The following TMEM132D variants were observed in gnomAD, a reference collection of about 807,000 sequenced individuals.
The protein encoded by TMEM132D is mature OL transmembrane protein.
A neutral mutation model predicts 62.3 loss-of-function variants in TMEM132D; 21 were observed. The ratio of observed to expected loss-of-function variants is 0.34; its 90% CI spans 0.24 to 0.49. The LOEUF (loss-of-function observed/expected upper bound fraction) is 0.49. Ranked by LOEUF, TMEM132D falls within the 20% of genes least tolerant of loss-of-function variation. The pLI is 0.99. For synonymous variants in TMEM132D, 621 were observed against 575.6 expected (o/e 1.08, Z -1.13); for missense variants, 1,346 against 1,402.8 (o/e 0.96, Z 0.65).
intron 3 of TMEM132D, among the ~76,000 whole-genome samples, chr12:129,344,469 G>A (rs1869617081): frequency 6.6e-6 from 1 of 152,192 alleles, no homozygotes; most frequent in Non-Finnish European, 1.5e-5. Context: ...TGGGTTAGAG[G>A]CCCAACTTAG....
chr12:129,829,796 C>T (rs913812325), intron 1 of TMEM132D, among the ~76,000 whole-genome samples: 8 of 152,094 alleles, frequency 5.3e-5, no homozygotes, highest in Non-Finnish European at 1.0e-4. Context: ...TGAAATCATC[C>T]AAAGCCAAGA....
At position 129,342,445 on chromosome 12, in the gene TMEM132D, C is replaced by A. The variant is rs1223034478; in HGVS notation, c.1116-4628G>T. 4.0e-5 allele frequency among the ~76,000 whole-genome samples: 6 copies of A among 151,544 alleles called. No homozygotes were observed. The East Asian group carries it at 5.8e-4, about 15-fold the overall frequency. On this transcript the variant is annotated intron_variant, in intron 3 of 8. Coordinates refer to ENST00000422113, the MANE Select transcript of TMEM132D (RefSeq NM_133448.3). Reference sequence around the variant, plus strand: ...TAATTCAAGATGGATTAAAGACTTACATGTTAGACCTAAAACCATAAAAAC... The same window carrying A: ...TAATTCAAGATGGATTAAAGACTTAAATGTTAGACCTAAAACCATAAAAAC...
chr12:129,473,639 G>T (rs1874170704), intron 3 of TMEM132D, among the ~76,000 whole-genome samples: 4 of 152,142 alleles, frequency 2.6e-5, no homozygotes, highest in Non-Finnish European at 5.9e-5. Flanking sequence ...CCTGGTTTTA[G>T]TTATTTTTAG....
chr12:129,604,513 C>T (rs1330220201), intron 2 of TMEM132D, among the ~76,000 whole-genome samples: 1 of 152,128 alleles, frequency 6.6e-6, no homozygotes, highest in African/African-American at 2.4e-5. Flanking sequence ...TGCCAAGGAG[C>T]ACGAGCGTTG....
chr12:129,130,422 G>GC (rs1172192639), intron 5 of TMEM132D, among the ~76,000 whole-genome samples: 1 of 152,098 alleles, frequency 6.6e-6, no homozygotes, highest in Non-Finnish European at 1.5e-5. Flanking sequence ...TCCTGACTCT[G>GC]CCCCTCCCTT....
intron 5 of TMEM132D, among the ~76,000 whole-genome samples, chr12:129,166,750 C>T (rs1877570695): frequency 1.4e-5 from 2 of 138,060 alleles, no homozygotes; most frequent in African/African-American, 2.7e-5. Context: ...TACACATATA[C>T]ATACACACAC....
chr12:129,165,653 T>G (rs910187785), intron 5 of TMEM132D, among the ~76,000 whole-genome samples: 2 of 151,462 alleles, frequency 1.3e-5, no homozygotes, highest in African/African-American at 4.8e-5. Flanking sequence ...AATTTGGCCA[T>G]GGGCAGAGCA....
chr12:129,078,530 A>C lies in TMEM132D; in HGVS notation c.2115+4T>G. On this transcript the variant is annotated splice_donor_region_variant and intron_variant, in intron 8 of 8. Transcript: ENST00000422113. Reference sequence around the variant, plus strand: ...TGAAGTGTGTCTCAAGCCCTCCTCCATACCTGTTTTGGCCTCTGCAGAAGT... The same window carrying C: ...TGAAGTGTGTCTCAAGCCCTCCTCCCTACCTGTTTTGGCCTCTGCAGAAGT... 1 of 1,612,472 alleles carries C rather than the reference A, an allele frequency of 6.2e-7. No homozygotes were observed.
At chr12:129,709,592 G>T (rs1881591583) in intron 1 of TMEM132D, among the ~76,000 whole-genome samples, 1 of 152,330 alleles carries the variant, frequency 6.6e-6, no homozygotes, top group East Asian at 1.9e-4. Flanking sequence ...GGATTCACCG[G>T]AGTGTGCCTC....
chr12:129,136,323 A>C (rs531156844), intron 5 of TMEM132D, among the ~76,000 whole-genome samples: 1 of 152,296 alleles, frequency 6.6e-6, no homozygotes, highest in South Asian at 2.1e-4. Flanking sequence ...GAGATTGCCC[A>C]AGTGTCTTTA....
At chr12:129,383,466 T>C (rs78530833) in intron 3 of TMEM132D, among the ~76,000 whole-genome samples, 2,397 of 152,272 alleles carry the variant, frequency 0.016, 68 homozygotes, top group African/African-American at 0.054. Context: ...TTTGTTGTTA[T>C]TGAGGCGGAG....
chr12:129,484,473 G>A lies in TMEM132D; in HGVS notation c.1115+46586C>T, dbSNP rs1022802116. Among the ~76,000 whole-genome samples the A allele has an allele frequency of 1.7e-4, 26 of 152,252 alleles. 1 individual carries two copies. Among genetic ancestry groups the A allele is most frequent in the Admixed American group, 1.3e-4 (2 of 15,282 alleles). On this transcript the variant is annotated intron_variant, in intron 3 of 8. Coordinates refer to ENST00000422113, the MANE Select transcript of TMEM132D (RefSeq NM_133448.3). ...TTTGTTTGCTATAAAATATCATCTC[G>A]TGCTCTAGAAAGGTCGCAAAGATTC... is the stretch of plus-strand genomic sequence containing the variant.
intron 1 of TMEM132D, among the ~76,000 whole-genome samples, chr12:129,780,943 T>C (rs1285119639): frequency 6.6e-6 from 1 of 152,202 alleles, no homozygotes; most frequent in East Asian, 1.9e-4. Flanking sequence ...AATTAATTTC[T>C]AACCAGCTCC....
rs374959544 is a variant in TMEM132D, at chr12:129,238,996, G to GGTTTTTTTT, written c.1300-29334_1300-29333insAAAAAAAAC. 7.5e-5 allele frequency among the ~76,000 whole-genome samples: 10 copies of GGTTTTTTTT among 133,042 alleles called. 2 individuals carry two copies. Among genetic ancestry groups the GGTTTTTTTT allele is most frequent in the African/African-American group, 8.5e-5 (3 of 35,430 alleles). 87.3% of individuals were successfully genotyped at this position (133,042 alleles called of 152,430 possible). The stretch of plus-strand genomic sequence containing the variant: ...TCCTCATCAACATTTGTTATTTTCT[G>GGTTTTTTTT]TTTTTTTTTTTTTTTTGGACAGTAA... On this transcript the variant is annotated intron_variant, in intron 4 of 8. Transcript: ENST00000422113.
At chr12:129,770,586 A>G (rs1593155418) in intron 1 of TMEM132D, among the ~76,000 whole-genome samples, 1 of 152,336 alleles carries the variant, frequency 6.6e-6, no homozygotes, top group Non-Finnish European at 1.5e-5. Flanking sequence ...CACTCGACTT[A>G]CAATAGGGCT....
intron 5 of TMEM132D, among the ~76,000 whole-genome samples, chr12:129,165,782 G>A (rs1162912338): frequency 1.3e-5 from 2 of 151,926 alleles, no homozygotes; most frequent in African/African-American, 4.8e-5. Context: ...ACAGAGCCTT[G>A]ACTCCTTGAC....
chr12:129,117,926 A>C (rs1875943524), intron 5 of TMEM132D, among the ~76,000 whole-genome samples: 1 of 152,246 alleles, frequency 6.6e-6, no homozygotes, highest in Admixed American at 6.5e-5. Context: ...GCTAAAATGA[A>C]GTTGAACAGC....
chr12:129,636,879 T>C (rs534453339), intron 2 of TMEM132D, among the ~76,000 whole-genome samples: 3 of 152,252 alleles, frequency 2.0e-5, no homozygotes, highest in Middle Eastern at 6.8e-3. Flanking sequence ...ATTGTCAAGA[T>C]TTAGGACTAA....
At chr12:129,139,930 G>GGT (rs1876690214) in intron 5 of TMEM132D, among the ~76,000 whole-genome samples, 1 of 151,626 alleles carries the variant, frequency 6.6e-6, no homozygotes, top group African/African-American at 2.4e-5. Flanking sequence ...TGCCCAGGCT[G>GGT]GTCTTGAACT....
Sources: gnomAD v4.1 joint callset for allele counts (sites outside exome capture counted in the v4.1 genomes callset) on GRCh38, gnomAD v4.1.1 for gene constraint, MANE v1.5 for transcripts, NCBI Gene and HGNC (gene_info 2026-07-23, HGNC 2026-07-21) for gene names.